The following STK32B variants were observed in gnomAD, a reference collection of about 807,000 sequenced individuals.
STK32B encodes the protein serine/threonine kinase 32B, also known as serine/threonine-protein kinase 32B.
In STK32B, 43 loss-of-function variants were observed where a neutral mutation model predicts 52.6. The ratio of observed to expected loss-of-function variants is 0.82; its 90% CI spans 0.64 to 1.05. The LOEUF (loss-of-function observed/expected upper bound fraction) is 1.05, where lower values mean the gene tolerates loss of function less well. STK32B is among the 50% of genes least tolerant of loss of function. STK32B has a pLI of 0.00. For missense variants in STK32B, 621 were observed against 534.6 expected (o/e 1.16, Z -1.59); for synonymous variants, 238 against 204.3 (o/e 1.17, Z -1.41).
intron 1 of STK32B, among the ~76,000 whole-genome samples, chr4:5,126,167 A>C (rs1331962350): frequency 1.3e-5 from 2 of 152,166 alleles, no homozygotes; most frequent in African/African-American, 2.4e-5. Context: ...AGAAGGCCTT[A>C]CTATTGGATA....
the STK32B span, among the ~76,000 whole-genome samples, chr4:5,024,888 G>T: frequency 6.6e-6 from 1 of 152,216 alleles, no homozygotes; most frequent in African/African-American, 2.4e-5. Context: ...TACACAACAG[G>T]CCCCCAAGGG....
intron 1 of STK32B, among the ~76,000 whole-genome samples, chr4:5,064,269 T>A (rs1373282995): frequency 1.4e-5 from 2 of 142,024 alleles, no homozygotes; most frequent in African/African-American, 5.0e-5. Context: ...AAAACATATA[T>A]GATATATATT....
At chr4:5,141,950 T>TC (rs71638596) in intron 2 of STK32B, among the ~76,000 whole-genome samples, 8 of 151,284 alleles carry the variant, frequency 5.3e-5, no homozygotes, top group Non-Finnish European at 1.0e-4. Flanking sequence ...GAGAAGGACT[T>TC]CCCCCCTGGA....
At position 5,466,813 on chromosome 4, in the gene STK32B, C is replaced by T. The variant is rs1717475086; in HGVS notation, c.1020C>T (p.Gly340=). 6.2e-7 allele frequency: 1 copy of T among 1,613,734 alleles called. No individual in the cohort carries two copies. Among genetic ancestry groups the T allele is most frequent in the Non-Finnish European group, 8.5e-7 (1 of 1,179,814 alleles). The change falls in exon 10 of 12, where the codon GGC becomes GGT. Residue 340 remains glycine (G), a synonymous_variant. Coordinates refer to ENST00000282908, the MANE Select transcript of STK32B (RefSeq NM_018401.3). Reference sequence around the variant, plus strand: ...TGGCAAAGAACAGATCCAGGGATGGCACAAAGGACAGCTGCCCGCTGGTGA... The same window carrying T: ...TGGCAAAGAACAGATCCAGGGATGGTACAAAGGACAGCTGCCCGCTGGTGA... ...KRLAKNRSRD[G]TKDSCPLNGH... is the part of the protein sequence containing the mutation.
In STK32B at chr4:5,374,779, C is replaced by A. The variant is rs10011113; in HGVS notation, c.435-23428C>A. Reference sequence around the variant, plus strand: ...TTCAACATATGAATATTGACGGGGGCGGGGGGGGAACACCAACGTTCAAAC... The same window carrying A: ...TTCAACATATGAATATTGACGGGGGAGGGGGGGGAACACCAACGTTCAAAC... On this transcript the variant is annotated intron_variant, in intron 4 of 11. Coordinates refer to ENST00000282908, the MANE Select transcript of STK32B (RefSeq NM_018401.3). 2.5e-4 allele frequency among the ~76,000 whole-genome samples: 34 copies of A among 136,234 alleles called. 1 individual carries two copies. Among genetic ancestry groups the A allele is most frequent in the African/African-American group, 8.8e-4 (31 of 35,326 alleles). 89.4% of individuals were successfully genotyped at this position (136,234 alleles called of 152,430 possible). A position where few individuals can be genotyped will look rare whatever the true frequency, so the allele number is the denominator to read the frequency against.
chr4:5,267,100 G>A (rs1727101722), intron 3 of STK32B, among the ~76,000 whole-genome samples: 1 of 144,796 alleles, frequency 6.9e-6, no homozygotes, highest in Non-Finnish European at 1.5e-5. Flanking sequence ...TGCTTGGATG[G>A]AGGACATTGT....
intron 11 of STK32B, among the ~76,000 whole-genome samples, chr4:5,487,157 C>T (rs1429820051): frequency 6.6e-6 from 1 of 152,204 alleles, no homozygotes; most frequent in Non-Finnish European, 1.5e-5. Flanking sequence ...CCAGTTGTCT[C>T]TGTCCCATGT....
At chr4:5,273,843 G>A in intron 3 of STK32B, among the ~76,000 whole-genome samples, 1 of 125,880 alleles carries the variant, frequency 7.9e-6, no homozygotes, top group East Asian at 2.7e-4. Flanking sequence ...GGACTGTGGT[G>A]GGTGGGGGGA....
intron 11 of STK32B, among the ~76,000 whole-genome samples, chr4:5,480,312 C>T (rs1718587203): frequency 1.3e-5 from 2 of 152,166 alleles, no homozygotes; most frequent in Non-Finnish European, 2.9e-5. Flanking sequence ...TCAGGAGGTC[C>T]TGAGAACATA....
Position 5,193,950 on chromosome 4 carries a change from C to T in STK32B, c.260+25500C>T, listed in dbSNP as rs113760866. ...TCCCTACTCCGCTGTCTTGGCAGGG[C>T]GTGCGTTCTCATGCTCCTGCACCTC... On this transcript the variant is annotated intron_variant, in intron 3 of 11. Transcript: ENST00000282908. Among the ~76,000 whole-genome samples, 204 of 152,304 alleles carry T rather than the reference C, an allele frequency of 1.3e-3. 1 individual carries two copies. Among genetic ancestry groups the T allele is most frequent in the African/African-American group, 4.7e-3 (194 of 41,560 alleles).
chr4:5,178,945 G>A (rs1263528960), intron 3 of STK32B, among the ~76,000 whole-genome samples: 3 of 152,202 alleles, frequency 2.0e-5, no homozygotes, highest in African/African-American at 7.2e-5. Flanking sequence ...TTACAAAGTT[G>A]CTTCCACATT....
In STK32B at chr4:5,398,219, A is replaced by G; in HGVS notation, c.447A>G (p.Pro149=). ...TTTTCTTTTACAGAGACATCAAGCC[A>G]GACAATATCCTGCTGGATGAACACG... ...RYHIIHRDIK[P]DNILLDEHGH... Residue 149 remains proline, a synonymous_variant, in exon 5 of 12, where the codon CCA becomes CCG. Transcript: ENST00000282908. This position sits in a 1 kb window ranked among gnomAD's most constrained non-coding sequence, Gnocchi z 4.9. The G allele has an allele frequency of 1.9e-6, 3 of 1,614,138 alleles. No homozygotes were observed. The highest frequency in any genetic ancestry group is 2.5e-6 in the Non-Finnish European group (3 of 1,180,024).
At chr4:5,367,900 G>A (rs912072673) in intron 4 of STK32B, among the ~76,000 whole-genome samples, 3 of 152,218 alleles carry the variant, frequency 2.0e-5, no homozygotes, top group African/African-American at 7.2e-5. Context: ...ACCTCTCCCT[G>A]TCCACATCGC....
intron 3 of STK32B, among the ~76,000 whole-genome samples, chr4:5,239,883 T>C (rs371549666): frequency 3.3e-5 from 5 of 152,222 alleles, no homozygotes; most frequent in African/African-American, 1.2e-4. Flanking sequence ...TCCAAATGCA[T>C]CATGTACACT....
intron 1 of STK32B, among the ~76,000 whole-genome samples, chr4:5,102,436 GCTTCCTTCCTTCCTTCCTTCCTTCCTTC>G (rs201942952): frequency 9.3e-4 from 98 of 105,250 alleles, no homozygotes; most frequent in Middle Eastern, 5.3e-3. Context: ...CTCCTTCCTT[GCTTCCTTCCTTCCTTCCTTCCTTCCTTC>G]CTTCCTTCCT....
intron 1 of STK32B, among the ~76,000 whole-genome samples, chr4:5,112,022 A>G (rs1187549948): frequency 1.3e-5 from 2 of 152,196 alleles, no homozygotes. Context: ...CCTTTGTTTA[A>G]GAGACTTGGG....
chr4:5,330,363 C>A lies in STK32B; in HGVS notation c.261-857C>A, dbSNP rs568452665. On this transcript the variant is annotated intron_variant, in intron 3 of 11. Transcript: ENST00000282908. ...AACAATCTCAGATTCTATGTGTTGG[C>A]TCTTCAGTCCTTAGAAAGCCCAAAT... 2.0e-5 allele frequency among the ~76,000 whole-genome samples: 3 copies of A among 152,288 alleles called. No homozygotes were observed. The East Asian group carries it at 5.8e-4, about 29-fold the overall frequency.
At chr4:5,143,133 A>ATCTG (rs1215520273) in intron 2 of STK32B, among the ~76,000 whole-genome samples, 6 of 57,796 alleles carry the variant, frequency 1.0e-4, no homozygotes, top group Non-Finnish European at 2.2e-4. Context: ...CTGTCTGTCT[A>ATCTG]TCTGTCTGTC....
chr4:5,473,463 A>G (rs568606343), intron 11 of STK32B, among the ~76,000 whole-genome samples: 2 of 152,200 alleles, frequency 1.3e-5, no homozygotes, highest in Admixed American at 6.5e-5. Context: ...TGAGCTGGTT[A>G]TGCTTATTCC....
Sources: gnomAD v4.1 joint callset for allele counts (sites outside exome capture counted in the v4.1 genomes callset) on GRCh38, gnomAD v4.1.1 for gene constraint, Gnocchi (gnomAD v3.1) non-coding constraint, MANE v1.5 for transcripts, NCBI Gene and HGNC (gene_info 2026-07-23, HGNC 2026-07-21) for gene names.